Variants in DNAH10 observed in about 807,000 individuals in gnomAD.
DNAH10 encodes the protein dynein axonemal heavy chain 10, also known as axonemal beta dynein heavy chain 10.
In DNAH10, 348 loss-of-function variants were observed where a neutral mutation model predicts 506.6. That is an observed-to-expected ratio of 0.69 (90% CI 0.63 to 0.75). The LOEUF (loss-of-function observed/expected upper bound fraction) is 0.75, where lower values mean the gene tolerates loss of function less well. Among genes scored for constraint, DNAH10 ranks in the 30% least tolerant of loss-of-function variants. DNAH10 has a pLI of 0.00. For missense variants in DNAH10, 5,179 were observed against 5,787.1 expected (o/e 0.89, Z 3.41); for synonymous variants, 2,059 against 2,198.6 (o/e 0.94, Z 1.78).
At chr12:123,880,185 G>A (rs1334113720) in intron 50 of DNAH10, among the ~76,000 whole-genome samples, 2 of 152,144 alleles carry the variant, frequency 1.3e-5, no homozygotes, top group African/African-American at 2.4e-5. Flanking sequence ...TGGAAATCTC[G>A]ATTGTGAAAG....
intron 61 of DNAH10, 49 bp from the exon 62 acceptor site, chr12:123,914,803 C>A: frequency 6.3e-7 from 1 of 1,595,788 alleles, no homozygotes; most frequent in Non-Finnish European, 8.5e-7. Context: ...TAGCCCTTGG[C>A]TCACAAATTG....
chr12:123,814,389 A>G (rs1372570004), intron 21 of DNAH10: 1 of 152,480 alleles, frequency 6.6e-6, no homozygotes, highest in Non-Finnish European at 1.5e-5. Context: ...CATACTGTAC[A>G]TTTTTCTGAT....
chr12:123,849,005 A>T, intron 34 of DNAH10, 123 bp downstream of exon 34: 1 of 1,229,684 alleles, frequency 8.1e-7, no homozygotes, highest in South Asian at 1.5e-5. Context: ...CCTGTAGAAG[A>T]TCTGTTGGTT....
At position 123,845,637 on chromosome 12, in the gene DNAH10, C is replaced by T; in HGVS notation, c.5398C>T (p.Leu1800=). The change falls in exon 31 of 79, where the codon CTG becomes TTG. Residue 1800 remains leucine (L), a synonymous_variant. Coordinates refer to ENST00000673944, the MANE Select transcript of DNAH10 (RefSeq NM_001372106.1). Reference sequence around the variant, plus strand: ...GCTCCTGTACCAGGGCATGGTGGTGCTGGCCGCTAGCCAGGTGTGGTGGAC... The same window carrying T: ...GCTCCTGTACCAGGGCATGGTGGTGTTGGCCGCTAGCCAGGTGTGGTGGAC... ...WMLLYQGMVV[L]AASQVWWTWE... 6.2e-7 allele frequency: 1 copy of T among 1,613,460 alleles called. No individual in the cohort carries two copies. The highest frequency in any genetic ancestry group is 8.5e-7 in the Non-Finnish European group (1 of 1,179,868).
At chr12:123,827,336 TA>T (rs1186014635) in intron 25 of DNAH10, among the ~76,000 whole-genome samples, 11 of 152,242 alleles carry the variant, frequency 7.2e-5, no homozygotes, top group African/African-American at 2.7e-4. Context: ...TTTCAACATG[TA>T]ATCAACATGA....
intron 65 of DNAH10, among the ~76,000 whole-genome samples, chr12:123,920,976 T>G (rs1954695983): frequency 6.6e-6 from 1 of 152,182 alleles, no homozygotes; most frequent in Admixed American, 6.5e-5. Context: ...TCTCGCCATG[T>G]TGCCCAGGCT....
intron 24 of DNAH10, among the ~76,000 whole-genome samples, chr12:123,825,573 T>TA (rs1313045680): frequency 1.3e-5 from 2 of 152,058 alleles, no homozygotes; most frequent in Non-Finnish European, 2.9e-5. Context: ...ATTCCATTCA[T>TA]AAAAAACCCT....
intron 24 of DNAH10, among the ~76,000 whole-genome samples, chr12:123,821,659 A>C (rs1189438388): frequency 6.6e-6 from 1 of 151,662 alleles, no homozygotes; most frequent in African/African-American, 2.4e-5. Context: ...AAAATGATTA[A>C]AATGACAATT....
intron 66 of DNAH10, 133 bp downstream of exon 66, chr12:123,924,000 A>G (rs1219497295): frequency 5.3e-6 from 4 of 757,238 alleles, no homozygotes; most frequent in Non-Finnish European, 8.3e-6. Flanking sequence ...TGCATTTTTC[A>G]CTATTCCAGT....
At chr12:123,765,267 A>AT (rs1956979040) in intron 1 of DNAH10, among the ~76,000 whole-genome samples, 1 of 152,126 alleles carries the variant, frequency 6.6e-6, no homozygotes, top group South Asian at 2.1e-4. Flanking sequence ...AACAAAACGG[A>AT]ATCGTACTGT....
chr12:123,874,079 G>A lies in DNAH10; in HGVS notation c.7938+369G>A, dbSNP rs957464951. Among the ~76,000 whole-genome samples the A allele has an allele frequency of 1.6e-4, 25 of 152,166 alleles. 1 individual carries two copies. Among genetic ancestry groups the A allele is most frequent in the Admixed American group, 1.4e-3 (22 of 15,282 alleles). On this transcript the variant is annotated intron_variant, in intron 46 of 78. Transcript: ENST00000673944. ...AGGCATCAGGACAGACCCTTCCCAAGAATTCCGCTGGACTCTTCAAGGAAG... is the reference window on the plus strand; with the variant it reads ...AGGCATCAGGACAGACCCTTCCCAAAAATTCCGCTGGACTCTTCAAGGAAG...
chr12:123,879,904 C>T, intron 50 of DNAH10, 103 bp downstream of exon 50: 1 of 1,353,292 alleles, frequency 7.4e-7, no homozygotes, highest in Admixed American at 2.1e-5. Context: ...TCACCTGGGG[C>T]TCTGTCTGAG....
rs879933772 is a variant in DNAH10 at position 123,770,246 on chromosome 12, C to CA, written c.299-1346dup. On this transcript the variant is annotated intron_variant, in intron 2 of 78. Transcript: ENST00000673944. ...CTGGGTGACACAGTGAGATTTGTCT[C>CA]AAAAAAAAATTTTTTTTTAAAATTT... Among the ~76,000 whole-genome samples the CA allele has an allele frequency of 2.8e-4, 42 of 151,132 alleles. No individual in the cohort carries two copies. The East Asian group carries it at 5.3e-3, about 19-fold the overall frequency.
At chr12:123,831,076 A>G (rs760961898) in intron 26 of DNAH10, among the ~76,000 whole-genome samples, 3 of 151,926 alleles carry the variant, frequency 2.0e-5, no homozygotes, top group African/African-American at 4.8e-5. Flanking sequence ...TTGTAGTTTC[A>G]TTTTCCATTG....
chr12:123,842,262 G>A (rs1340576018), intron 30 of DNAH10, among the ~76,000 whole-genome samples: 1 of 152,184 alleles, frequency 6.6e-6, no homozygotes, highest in Non-Finnish European at 1.5e-5. Flanking sequence ...CGTTTAGTGG[G>A]ATTATGTGTA....
intron 5 of DNAH10, among the ~76,000 whole-genome samples, chr12:123,774,806 T>C (rs1380531386): frequency 1.3e-5 from 2 of 152,218 alleles, no homozygotes; most frequent in Non-Finnish European, 1.5e-5. Context: ...GTTGGGGCCA[T>C]TATGGACATG....
chr12:123,897,994 C>G (rs774913475), intron 55 of DNAH10, 27 bp downstream of exon 55: 2 of 1,525,878 alleles, frequency 1.3e-6, no homozygotes, highest in Non-Finnish European at 1.8e-6. Flanking sequence ...GGGTGGTTGA[C>G]AAAAGTCATT....
At position 123,921,691 on chromosome 12, in the gene DNAH10, GTTTTTTTTTTTTTTTTTTTTTTTT is replaced by G. The variant is rs35553163; in HGVS notation, c.11507-2055_11507-2032del. ...CTTGTCCATCTGTCTGTAGCTTGCAGTTTTTTTTTTTTTTTTTTTTTTTTTTTTTTTTTTTTTTTTGAGACAGAA... is the reference window on the plus strand; with the variant it reads ...CTTGTCCATCTGTCTGTAGCTTGCAGTTTTTTTTTTTTTTTTGAGACAGAA... On this transcript the variant is annotated intron_variant, in intron 65 of 78. Transcript: ENST00000673944. 3.6e-3 allele frequency among the ~76,000 whole-genome samples: 226 copies of G among 62,892 alleles called. 4 individuals are homozygous for G. The South Asian group carries it at 0.048, about 13-fold the overall frequency. 41.3% of individuals were successfully genotyped at this position (62,892 alleles called of 152,430 possible).
At chr12:123,863,261 C>T (rs1048382814) in intron 39 of DNAH10, among the ~76,000 whole-genome samples, 10 of 152,162 alleles carry the variant, frequency 6.6e-5, no homozygotes, top group African/African-American at 2.4e-4. Flanking sequence ...CATCCTGAAG[C>T]TTGAATACCT....
Sources: gnomAD v4.1 joint callset for allele counts (sites outside exome capture counted in the v4.1 genomes callset) on GRCh38, gnomAD v4.1.1 for gene constraint, MANE v1.5 for transcripts, NCBI Gene and HGNC (gene_info 2026-07-23, HGNC 2026-07-21) for gene names.